DDAH1: variants seen among roughly 807,000 people sequenced by gnomAD.
DDAH1 encodes the protein N(G),N(G)-dimethylarginine dimethylaminohydrolase 1.
In DDAH1, 19 loss-of-function variants were observed where a neutral mutation model predicts 28.8. The ratio of observed to expected loss-of-function variants is 0.66; its 90% CI spans 0.46 to 0.97. The LOEUF is 0.97. Ranked by LOEUF, DDAH1 falls within the 50% of genes least tolerant of loss-of-function variation. DDAH1 has a pLI of 0.00. For synonymous variants in DDAH1, 153 were observed against 154.4 expected (o/e 0.99, Z 0.07); for missense variants, 326 against 375.9 (o/e 0.87, Z 1.10).
chr1:85,373,291 A>G (rs183097216), intron 1 of DDAH1, among the ~76,000 whole-genome samples: 45 of 152,288 alleles, frequency 3.0e-4, no homozygotes, highest in Middle Eastern at 3.4e-3. Flanking sequence ...TTAGTGCTCA[A>G]TGTCATTTAG....
chr1:85,528,736 G>A (rs549660), intron 1 of DDAH1, among the ~76,000 whole-genome samples: 21,772 of 152,110 alleles, frequency 0.14, 1,623 homozygotes, highest in South Asian at 0.21. Context: ...AGCACTTTTG[G>A]AGGCTGAGAT....
chr1:85,474,924 C>T (rs1318350184), intron 2 of DDAH1, among the ~76,000 whole-genome samples: 1 of 152,138 alleles, frequency 6.6e-6, no homozygotes, highest in Non-Finnish European at 1.5e-5. Flanking sequence ...CTGGCTTTGT[C>T]ACAGCTGTGT....
At chr1:85,476,810 C>T (rs1040324702) in intron 2 of DDAH1, among the ~76,000 whole-genome samples, 4 of 152,186 alleles carry the variant, frequency 2.6e-5, no homozygotes, top group African/African-American at 9.6e-5. Context: ...GATAGTATTT[C>T]AATAATATTT....
intron 1 of DDAH1, among the ~76,000 whole-genome samples, chr1:85,437,545 T>C (rs973107622): frequency 3.9e-5 from 6 of 152,344 alleles, no homozygotes; most frequent in Admixed American, 2.6e-4. Context: ...ATTTGCTTAA[T>C]AACATTTTCT....
At chr1:85,382,252 G>C (rs1404505308) in intron 1 of DDAH1, among the ~76,000 whole-genome samples, 1 of 152,142 alleles carries the variant, frequency 6.6e-6, no homozygotes, top group Non-Finnish European at 1.5e-5. Flanking sequence ...TTGATGATAT[G>C]GAGAAAGTTT....
chr1:85,338,771 T>C (rs1272269199), intron 4 of DDAH1, among the ~76,000 whole-genome samples: 1 of 152,074 alleles, frequency 6.6e-6, no homozygotes, highest in Non-Finnish European at 1.5e-5. Flanking sequence ...CTGGGTGTGA[T>C]GGCTCATGCC....
At chr1:85,343,084 A>AGAGT (rs1648608310) in intron 4 of DDAH1, among the ~76,000 whole-genome samples, 1 of 152,234 alleles carries the variant, frequency 6.6e-6, no homozygotes, top group African/African-American at 2.4e-5. Context: ...AATATCCTAT[A>AGAGT]GAGTCAGTTT....
chr1:85,566,118 C>G (rs75673263), intron 1 of DDAH1, among the ~76,000 whole-genome samples: 1 of 149,144 alleles, frequency 6.7e-6, no homozygotes, highest in Non-Finnish European at 1.5e-5. Flanking sequence ...AAACCAACAA[C>G]AAAGAGTTAT....
At chr1:85,326,312 C>T (rs1647394517) in intron 4 of DDAH1, among the ~76,000 whole-genome samples, 1 of 152,210 alleles carries the variant, frequency 6.6e-6, no homozygotes, top group South Asian at 2.1e-4. Context: ...TACAGATGAA[C>T]AGGTCACAGA....
In DDAH1 at chr1:85,552,179, T is replaced by C. The variant is rs573513479; in HGVS notation, c.-123+25805A>G. Among the ~76,000 whole-genome samples the C allele has an allele frequency of 5.9e-4, 90 of 152,336 alleles. 1 individual carries two copies. Among genetic ancestry groups the C allele is most frequent in the African/African-American group, 2.1e-3 (88 of 41,570 alleles). On this transcript the variant is annotated intron_variant, in intron 1 of 6. Coordinates refer to the DDAH1 transcript ENST00000426972. ...GGAAAAAGTCATGGCTACTGTTTCT[T>C]TTATAGACCAGAAGAGAAAGAAAGC...
intron 4 of DDAH1, among the ~76,000 whole-genome samples, chr1:85,336,346 G>A (rs528653370): frequency 1.3e-5 from 2 of 152,152 alleles, no homozygotes; most frequent in Non-Finnish European, 2.9e-5. Context: ...TCTCTTCATA[G>A]ACCATAATGG....
chr1:85,562,095 C>T (rs1029149424), intron 1 of DDAH1, among the ~76,000 whole-genome samples: 7 of 151,934 alleles, frequency 4.6e-5, no homozygotes, highest in African/African-American at 9.7e-5. Context: ...CTAATTACTA[C>T]AATTTTAAGT....
chr1:85,368,211 G>A (rs2100878994), intron 1 of DDAH1, among the ~76,000 whole-genome samples: 1 of 152,262 alleles, frequency 6.6e-6, no homozygotes, highest in African/African-American at 2.4e-5. Flanking sequence ...TTGCAGCTCT[G>A]TATATCAGAG....
At chr1:85,465,297 T>A (rs1655328416), upstream of DDAH1, 5 of 842,710 alleles carry the variant, frequency 5.9e-6, no homozygotes, top group Non-Finnish European at 7.1e-6. Context: ...AGGCGGGAGT[T>A]GTAGCGGCGA....
intron 1 of DDAH1, among the ~76,000 whole-genome samples, chr1:85,508,683 C>T (rs56893854): frequency 0.018 from 2,687 of 152,322 alleles, 90 homozygotes; most frequent in African/African-American, 0.059. Context: ...GTGCCTGGCT[C>T]CGCAGGTCCC....
At chr1:85,473,041 C>A (rs12038062) in intron 2 of DDAH1, among the ~76,000 whole-genome samples, 27,940 of 152,100 alleles carry the variant, frequency 0.18, 2,769 homozygotes, top group South Asian at 0.37. Context: ...CATGTTGTTG[C>A]AAAGGAAATG....
Position 85,464,623 on chromosome 1 carries a change from C to G in DDAH1, c.303+120G>C. 4 of 1,513,858 alleles carry G rather than the reference C, an allele frequency of 2.6e-6. No individual in the cohort carries two copies. The highest frequency in any genetic ancestry group is 3.5e-6 in the Non-Finnish European group (4 of 1,134,034). The allele number at this position is 1,513,858 out of a possible 1,614,324, so 93.8% of individuals were successfully genotyped here. A position where few individuals can be genotyped will look rare whatever the true frequency, so the allele number is the denominator to read the frequency against. On this transcript the variant is annotated intron_variant, in intron 1 of 5. Coordinates refer to ENST00000284031, the MANE Select transcript of DDAH1 (RefSeq NM_012137.4). The surrounding 1 kb of genome is among the most constrained non-coding windows in gnomAD (Gnocchi z 4.4). ...ACACACACACACACTCGCCCCCCGA[C>G]GGGAAGTTGTGAACTACTAGCCCGA...
At chr1:85,379,469 TA>T (rs2100904916) in intron 1 of DDAH1, 1 of 404,350 alleles carries the variant, frequency 2.5e-6, no homozygotes, top group East Asian at 1.6e-4. Context: ...CAGGTAGAGA[TA>T]ATGAGGCACA....
chr1:85,514,861 C>T (rs1336187636), intron 1 of DDAH1, among the ~76,000 whole-genome samples: 6 of 152,038 alleles, frequency 3.9e-5, no homozygotes, highest in Non-Finnish European at 8.8e-5. Flanking sequence ...CCATGCTCAA[C>T]ACCTAGAATC....
Sources: gnomAD v4.1 joint callset for allele counts (sites outside exome capture counted in the v4.1 genomes callset) on GRCh38, gnomAD v4.1.1 for gene constraint, Gnocchi (gnomAD v3.1) non-coding constraint, MANE v1.5 for transcripts, NCBI Gene and HGNC (gene_info 2026-07-23, HGNC 2026-07-21) for gene names.